Variants in AGPS observed in about 807,000 individuals in gnomAD.
The protein encoded by AGPS is alkylglycerone phosphate synthase.
Under a neutral mutation model 90.7 loss-of-function variants are expected in AGPS, and 26 were observed. That is an observed-to-expected ratio of 0.29 (90% CI 0.21 to 0.40). The LOEUF is 0.40. Among genes scored for constraint, AGPS ranks in the 10% least tolerant of loss-of-function variants. AGPS has a pLI of 1.00. For missense variants in AGPS, 540 were observed against 816.1 expected, an observed-to-expected ratio of 0.66 and a Z score of 4.12; for synonymous variants, 294 against 285.3, an observed-to-expected ratio of 1.03 and a Z score of -0.31.
intron 7 of AGPS, among the ~76,000 whole-genome samples, chr2:177,444,419 TCAAAA>T (rs1488212291): frequency 1.2e-5 from 1 of 80,184 alleles, no homozygotes; most frequent in African/African-American, 7.4e-5. Flanking sequence ...AGACTCTGTC[TCAAAA>T]AAAAAAAAAA....
chr2:177,483,790 T>G (rs900125954), intron 11 of AGPS, among the ~76,000 whole-genome samples: 7 of 152,092 alleles, frequency 4.6e-5, no homozygotes, highest in African/African-American at 1.7e-4. Flanking sequence ...GGAGATAAGT[T>G]TTTGGAGTAA....
intron 2 of AGPS, 71 bp downstream of exon 2, chr2:177,420,429 A>G (rs1186694466): frequency 2.2e-5 from 24 of 1,113,354 alleles, no homozygotes; most frequent in Admixed American, 5.1e-5. Flanking sequence ...TTAAACACAC[A>G]TGAAAATATA....
At chr2:177,497,653 A>T in intron 12 of AGPS, 36 bp from the exon 13 acceptor site, 1 of 1,238,780 alleles carries the variant, frequency 8.1e-7, no homozygotes. Context: ...AAAAACATAG[A>T]CTAACCTATT....
intron 17 of AGPS, 89 bp from the exon 18 acceptor site, chr2:177,521,180 A>C: frequency 9.1e-7 from 1 of 1,093,724 alleles, no homozygotes; most frequent in Non-Finnish European, 1.4e-6. Context: ...TAAACTAATC[A>C]TTTGGGTCGT....
At chr2:177,493,350 T>C in intron 12 of AGPS, 151 bp downstream of exon 12, 3 of 740,872 alleles carry the variant, frequency 4.0e-6, no homozygotes, top group Non-Finnish European at 7.1e-6. Flanking sequence ...ATTACATAAA[T>C]GAGTGAGGGT....
chr2:177,505,483 A>C, intron 14 of AGPS, 23 bp from the exon 15 acceptor site: 1 of 1,602,044 alleles, frequency 6.2e-7, no homozygotes, highest in Non-Finnish European at 8.5e-7. Flanking sequence ...AAAATTTATT[A>C]ACAGTTTGTT....
At chr2:177,460,822 A>G (rs1182379063) in intron 8 of AGPS, among the ~76,000 whole-genome samples, 1 of 152,208 alleles carries the variant, frequency 6.6e-6, no homozygotes, top group Admixed American at 6.5e-5. Flanking sequence ...TATATTGAAT[A>G]TTTAGTGGAG....
Position 177,499,671 on chromosome 2 carries a change from G to A in AGPS, c.1416G>A (p.Gly472=). ...GTGTAGCCACATTACTGTTTGAGGG[G>A]GATCGTGAGAAGGTTCTTCAACATG... ...QLSVATLLFE[G]DREKVLQHEK... Residue 472 remains glycine (G), a synonymous_variant, in exon 14 of 20, where the codon GGG becomes GGA. Transcript: ENST00000264167. 6.2e-7 allele frequency: 1 copy of A among 1,612,258 alleles called. No homozygotes were observed. The highest frequency in any genetic ancestry group is 8.5e-7 in the Non-Finnish European group (1 of 1,178,904).
In AGPS at chr2:177,527,289, A is replaced by G. The variant is rs140666297; in HGVS notation, c.1855+3484A>G. ...CAAAAAATACAAAACTTAGCTGGGCATGGTAGCATGTACCTGTAATCCCAG... is the reference window on the plus strand; with the variant it reads ...CAAAAAATACAAAACTTAGCTGGGCGTGGTAGCATGTACCTGTAATCCCAG... On this transcript the variant is annotated intron_variant, in intron 19 of 19. Coordinates refer to ENST00000264167, the MANE Select transcript of AGPS (RefSeq NM_003659.4). Among the ~76,000 whole-genome samples, 363 of 152,132 alleles carry G rather than the reference A, an allele frequency of 2.4e-3. 4 individuals carry two copies. Among genetic ancestry groups the G allele is most frequent in the Middle Eastern group, 0.01 (3 of 294 alleles).
chr2:177,392,885 C>A lies in AGPS; in HGVS notation c.96C>A (p.Asp32Glu), dbSNP rs757027567. 1.3e-6 allele frequency: 2 copies of A among 1,550,524 alleles called. No individual in the cohort carries two copies. The highest frequency in any genetic ancestry group is 1.7e-6 in the Non-Finnish European group (2 of 1,148,274). Residue 32 changes from aspartate (D) to glutamate (E), a missense_variant, in exon 1 of 20, where the codon GAC becomes GAA. Asp to Glu is a conservative substitution (Grantham distance 45). Transcript: ENST00000264167. ...ACCGGGACCGGGACCCGGACCCGGA[C>A]CGCGCCGGGCGGAGGCTGCGGGTTC... ...AADRDRDPDP[D>E]RAGRRLRVLS...
intron 15 of AGPS, among the ~76,000 whole-genome samples, chr2:177,506,730 T>A (rs1015002999): frequency 1.3e-5 from 2 of 151,996 alleles, no homozygotes; most frequent in Non-Finnish European, 1.5e-5. Context: ...AAATTTTGAC[T>A]AAGAGATGTA....
intron 11 of AGPS, among the ~76,000 whole-genome samples, chr2:177,490,806 G>T (rs57295810): frequency 0.12 from 16,680 of 142,524 alleles, 1,212 homozygotes; most frequent in East Asian, 0.36. Flanking sequence ...TAACATGTAC[G>T]TGTATATGTT....
At chr2:177,479,886 C>CA (rs1472348284) in intron 10 of AGPS, among the ~76,000 whole-genome samples, 1 of 152,140 alleles carries the variant, frequency 6.6e-6, no homozygotes, top group Non-Finnish European at 1.5e-5. Context: ...TAACGCAAAA[C>CA]ATTGTATTTT....
chr2:177,520,853 C>G (rs1190215378), intron 17 of AGPS, among the ~76,000 whole-genome samples: 2 of 152,166 alleles, frequency 1.3e-5, no homozygotes, highest in African/African-American at 4.8e-5. Context: ...TGTTTTCACA[C>G]ATGCTGCTGA....
chr2:177,490,741 G>T (rs1688229621), intron 11 of AGPS, among the ~76,000 whole-genome samples: 1 of 150,770 alleles, frequency 6.6e-6, no homozygotes, highest in Non-Finnish European at 1.5e-5. Context: ...CTGGTACAGT[G>T]ATCACCTGTC....
chr2:177,411,044 C>T (rs928146680), intron 1 of AGPS, among the ~76,000 whole-genome samples: 4 of 152,096 alleles, frequency 2.6e-5, no homozygotes, highest in African/African-American at 4.8e-5. Flanking sequence ...CCTCAAAGTC[C>T]GCTTACCTGA....
At chr2:177,532,298 A>G (rs780015777) in intron 19 of AGPS, among the ~76,000 whole-genome samples, 116 of 152,342 alleles carry the variant, frequency 7.6e-4, no homozygotes, top group Non-Finnish European at 1.5e-3. Context: ...AAAATAGGCA[A>G]GAGACATGAA....
At chr2:177,511,287 G>T (rs1688862645) in intron 16 of AGPS, among the ~76,000 whole-genome samples, 1 of 151,886 alleles carries the variant, frequency 6.6e-6, no homozygotes, top group Admixed American at 6.6e-5. Flanking sequence ...TTGTAGAGAT[G>T]AGGTCTCATT....
intron 2 of AGPS, among the ~76,000 whole-genome samples, chr2:177,432,639 T>C (rs553296884): frequency 2.4e-4 from 37 of 152,376 alleles, no homozygotes; most frequent in Non-Finnish European, 5.0e-4. Flanking sequence ...TTAAATTTTA[T>C]ACATGATAGT....
Sources: allele counts gnomAD v4.1 joint callset (sites outside exome capture counted in the v4.1 genomes callset), GRCh38; gene constraint gnomAD v4.1.1; transcripts MANE v1.5; gene names NCBI Gene and HGNC (gene_info 2026-07-23, HGNC 2026-07-21).